The following DPP10 variants were observed in gnomAD, a reference collection of about 807,000 sequenced individuals.
The protein encoded by DPP10 is inactive dipeptidyl peptidase 10.
In DPP10, 33 loss-of-function variants were observed where a neutral mutation model predicts 120.9. That is an observed-to-expected ratio of 0.27 (90% CI 0.21 to 0.37). DPP10 has a LOEUF of 0.37. Ranked by LOEUF, DPP10 falls within the 10% of genes least tolerant of loss-of-function variation. The pLI is 1.00. For synonymous variants in DPP10, 337 were observed against 326.1 expected, an observed-to-expected ratio of 1.03 and a Z score of -0.36; for missense variants, 816 against 942.8, an observed-to-expected ratio of 0.87 and a Z score of 1.76.
chr2:115,676,020 A>G (rs1352740657), intron 5 of DPP10, among the ~76,000 whole-genome samples: 1 of 152,184 alleles, frequency 6.6e-6, no homozygotes, highest in African/African-American at 2.4e-5. Flanking sequence ...ATAGTCTAGC[A>G]CAGTGAGGAA....
chr2:115,013,581 G>A (rs1024424313), intron 1 of DPP10, among the ~76,000 whole-genome samples: 2 of 149,330 alleles, frequency 1.3e-5, no homozygotes, highest in Non-Finnish European at 3.0e-5. Flanking sequence ...CTGTATTTAG[G>A]AGACTCATCT....
chr2:115,606,245 C>T (rs2083696337), intron 5 of DPP10, among the ~76,000 whole-genome samples: 1 of 152,012 alleles, frequency 6.6e-6, no homozygotes, highest in Non-Finnish European at 1.5e-5. Flanking sequence ...AAAACCTGTT[C>T]TTAAAATCCT....
At chr2:115,384,505 G>A (rs901857545) in intron 3 of DPP10, among the ~76,000 whole-genome samples, 1 of 147,380 alleles carries the variant, frequency 6.8e-6, no homozygotes, top group African/African-American at 2.5e-5. Context: ...AGGAAAAGAA[G>A]AAGAAGAAGG....
At chr2:115,628,335 A>G (rs934888591) in intron 5 of DPP10, among the ~76,000 whole-genome samples, 1 of 152,060 alleles carries the variant, frequency 6.6e-6, no homozygotes, top group African/African-American at 2.4e-5. Context: ...GTGTCTGTTC[A>G]TGTCCTTTGC....
chr2:115,814,974 A>T lies in DPP10; in HGVS notation c.1882A>T (p.Ile628Leu). Residue 628 changes from isoleucine to leucine, a missense_variant, in exon 20 of 26, where the codon ATA (isoleucine) becomes TTA (leucine). Ile to Leu is a conservative substitution (Grantham distance 5, BLOSUM62 2). This residue lies in a region of DPP10 where 592 missense variants were observed against 649.0 expected (regional missense o/e 0.91). Coordinates refer to ENST00000410059, the MANE Select transcript of DPP10 (RefSeq NM_020868.6). The part of the protein sequence containing the change: ...RLGSVEVKDQ[I>L]TAVKFLLKLP... ...AGGTTCAGTAGAAGTAAAGGACCAA[A>T]TAACAGCTGTGAAGTAAGTGGATGC... 6.2e-7 allele frequency: 1 copy of T among 1,604,078 alleles called. No homozygotes were observed. The highest frequency in any genetic ancestry group is 8.5e-7 in the Non-Finnish European group (1 of 1,172,320).
At chr2:115,137,496 G>A (rs766124426) in intron 1 of DPP10, among the ~76,000 whole-genome samples, 7 of 152,186 alleles carry the variant, frequency 4.6e-5, no homozygotes, top group African/African-American at 7.2e-5. Flanking sequence ...AGAGAAATGC[G>A]TGGTGCACAT....
chr2:115,437,038 T>C (rs2071562384), intron 3 of DPP10, among the ~76,000 whole-genome samples: 1 of 151,990 alleles, frequency 6.6e-6, no homozygotes. Context: ...CACCTGACTA[T>C]GTGACGTTAA....
At chr2:114,484,686 G>A (rs1681345891) in intron 1 of DPP10, among the ~76,000 whole-genome samples, 1 of 152,032 alleles carries the variant, frequency 6.6e-6, no homozygotes, top group Admixed American at 6.6e-5. Context: ...TCCCACACCA[G>A]AACTCTTCAA....
chr2:115,054,733 A>T (rs1016248543), intron 1 of DPP10, among the ~76,000 whole-genome samples: 3 of 152,126 alleles, frequency 2.0e-5, no homozygotes, highest in African/African-American at 7.2e-5. Context: ...CAATATGCTG[A>T]AACCCAGTCT....
rs143037988 is a variant in DPP10 at position 115,028,543 on chromosome 2, G to A, written c.61-280696G>A. 3.1e-3 allele frequency among the ~76,000 whole-genome samples: 472 copies of A among 152,152 alleles called. 4 individuals carry two copies. Among genetic ancestry groups the A allele is most frequent in the African/African-American group, 0.011 (445 of 41,548 alleles). On this transcript the variant is annotated intron_variant, in intron 1 of 25. Transcript: ENST00000410059. Reference sequence around the variant, plus strand: ...CCTGGAGAATGTTCCATGTACTTATGAAAAGAATGTATATTCTGATACAGT... The same window carrying A: ...CCTGGAGAATGTTCCATGTACTTATAAAAAGAATGTATATTCTGATACAGT...
chr2:114,607,263 A>T (rs1486766083), intron 1 of DPP10, among the ~76,000 whole-genome samples: 2 of 152,186 alleles, frequency 1.3e-5, no homozygotes, highest in Non-Finnish European at 2.9e-5. Context: ...AAAGAAAGAT[A>T]AAGTGTGATC....
intron 3 of DPP10, among the ~76,000 whole-genome samples, chr2:115,400,492 A>AAC (rs70941055): frequency 2.0e-5 from 3 of 151,552 alleles, no homozygotes; most frequent in Non-Finnish European, 1.5e-5. Context: ...AAAAAAAAAA[A>AAC]TCTTCAGTTC....
intron 1 of DPP10, among the ~76,000 whole-genome samples, chr2:114,917,362 A>C (rs763127663): frequency 6.6e-6 from 1 of 152,204 alleles, no homozygotes; most frequent in Non-Finnish European, 1.5e-5. Context: ...CATGGATAGG[A>C]GTCAATATAG....
intron 1 of DPP10, among the ~76,000 whole-genome samples, chr2:114,809,680 C>A (rs1304399777): frequency 6.6e-6 from 1 of 152,150 alleles, no homozygotes; most frequent in Non-Finnish European, 1.5e-5. Flanking sequence ...CAGAGATACC[C>A]CGTCCTCTTA....
intron 1 of DPP10, among the ~76,000 whole-genome samples, chr2:114,913,528 G>A (rs376942040): frequency 4.6e-5 from 7 of 152,100 alleles, no homozygotes; most frequent in African/African-American, 1.4e-4. Context: ...AAATAAAGCC[G>A]ATCATCTAAA....
At chr2:114,846,900 G>C (rs900510514) in intron 1 of DPP10, among the ~76,000 whole-genome samples, 2 of 152,110 alleles carry the variant, frequency 1.3e-5, no homozygotes, top group East Asian at 1.9e-4. Flanking sequence ...CAGGAGCAAA[G>C]CATTTCCTCT....
intron 1 of DPP10, among the ~76,000 whole-genome samples, chr2:114,685,278 A>G (rs1699288843): frequency 1.3e-5 from 2 of 151,944 alleles, no homozygotes; most frequent in African/African-American, 4.8e-5. Flanking sequence ...AAACAACAAC[A>G]AACAACAAGA....
At chr2:115,015,799 G>A (rs768473388) in intron 1 of DPP10, among the ~76,000 whole-genome samples, 1 of 152,118 alleles carries the variant, frequency 6.6e-6, no homozygotes, top group Non-Finnish European at 1.5e-5. Flanking sequence ...TAAGGGATGT[G>A]AAGGACCTCT....
chr2:115,098,408 A>G (rs553072654), intron 1 of DPP10, among the ~76,000 whole-genome samples: 45 of 152,298 alleles, frequency 3.0e-4, no homozygotes, highest in African/African-American at 1.1e-3. Flanking sequence ...TCATCATTGT[A>G]CGAACATCAT....
Sources: gnomAD v4.1 joint callset for allele counts (sites outside exome capture counted in the v4.1 genomes callset) on GRCh38, gnomAD v4.1.1 for gene constraint, gnomAD v4.1.1 regional missense constraint, MANE v1.5 for transcripts, NCBI Gene and HGNC (gene_info 2026-07-23, HGNC 2026-07-21) for gene names.